Variants in NSL1 observed in about 807,000 individuals in gnomAD.
NSL1 encodes kinetochore-associated protein NSL1 homolog.
In NSL1, 11 loss-of-function variants were observed where a neutral mutation model predicts 25.4. That is an observed-to-expected ratio of 0.43 (90% confidence interval 0.27 to 0.72). The LOEUF is 0.72. Among genes scored for constraint, NSL1 ranks in the 30% least tolerant of loss-of-function variants. The probability of loss-of-function intolerance (pLI) is 0.19; values close to 1 mark genes in which losing one functional copy is unlikely to be tolerated. For synonymous variants in NSL1, 118 were observed against 120.6 expected, an observed-to-expected ratio of 0.98 and a Z score of 0.14; for missense variants, 330 against 342.7, an observed-to-expected ratio of 0.96 and a Z score of 0.29.
chr1:212,753,425 G>T (rs1022766133), intron 4 of NSL1, among the ~76,000 whole-genome samples: 5 of 151,964 alleles, frequency 3.3e-5, no homozygotes, highest in African/African-American at 1.2e-4. Flanking sequence ...TCTTTTTCTT[G>T]ATCATCACCA....
rs1419051222 is a variant in NSL1, at chr1:212,727,888, T to C, written c.*10520A>G. On this transcript the variant is annotated 3_prime_UTR_variant, in exon 6 of 6. Coordinates refer to ENST00000366977, the MANE Select transcript of NSL1 (RefSeq NM_015471.4). ...TGTTTGTTGATACTCTCTGTTGCTATGTGTCATTGAAAAAAAATGAGAAGA... is the reference window on the plus strand; with the variant it reads ...TGTTTGTTGATACTCTCTGTTGCTACGTGTCATTGAAAAAAAATGAGAAGA... The C allele has an allele frequency of 1.0e-6, 1 of 985,402 alleles. No individual in the cohort carries two copies. Among genetic ancestry groups the C allele is most frequent in the Non-Finnish European group, 1.2e-6 (1 of 829,900 alleles). 61.0% of individuals were successfully genotyped at this position (985,402 alleles called of 1,614,324 possible).
Position 212,730,757 on chromosome 1 carries a change from G to A in NSL1, c.*7651C>T, listed in dbSNP as rs995185214. 1.0e-6 allele frequency: 1 copy of A among 985,286 alleles called. No individual in the cohort carries two copies. Among genetic ancestry groups the A allele is most frequent in the Non-Finnish European group, 1.2e-6 (1 of 829,928 alleles). The allele number at this position is 985,286 out of a possible 1,614,324, so 61.0% of individuals were successfully genotyped here. A position where few individuals can be genotyped will look rare whatever the true frequency, so the allele number is the denominator to read the frequency against. ...CTTAGTTCTAGTAGACGTAGTTCTA[G>A]TAGACAGGAGACTCTGGAGTCCTAA... is the stretch of plus-strand genomic sequence containing the variant. On this transcript the variant is annotated 3_prime_UTR_variant, in exon 6 of 6. Coordinates refer to ENST00000366977, the MANE Select transcript of NSL1 (RefSeq NM_015471.4).
chr1:212,761,337 C>CCTTG (rs1659553468), intron 4 of NSL1, among the ~76,000 whole-genome samples: 2 of 152,144 alleles, frequency 1.3e-5, no homozygotes, highest in South Asian at 4.1e-4. Context: ...ATCACCTGAA[C>CCTTG]CTTGGAGTTC....
chr1:212,738,752 G>A, intron 5 of NSL1, 66 bp from the exon 6 acceptor site: 1 of 1,350,598 alleles, frequency 7.4e-7, no homozygotes, highest in Non-Finnish European at 1.0e-6. Context: ...GACAAAGATG[G>A]ATGCAGTACT....
Position 212,727,785 on chromosome 1 carries a change from A to T in NSL1, c.*10623T>A. 1 of 984,538 alleles carries T rather than the reference A, an allele frequency of 1.0e-6. No homozygotes were observed. Among genetic ancestry groups the T allele is most frequent in the Non-Finnish European group, 1.2e-6 (1 of 829,072 alleles). 61.0% of individuals were successfully genotyped at this position (984,538 alleles called of 1,614,324 possible). A position where few individuals can be genotyped will look rare whatever the true frequency, so the allele number is the denominator to read the frequency against. ...TCATTAAGATAATAAATTGCTTTAA[A>T]CAACTTTGAGCACTTTCTTAGACAC... On this transcript the variant is annotated 3_prime_UTR_variant, in exon 6 of 6. Coordinates refer to ENST00000366977, the MANE Select transcript of NSL1 (RefSeq NM_015471.4).
In NSL1 at chr1:212,784,502, GAA is replaced by G; in HGVS notation, c.314-11_314-10del. 5 of 1,461,492 alleles carry G rather than the reference GAA, an allele frequency of 3.4e-6. No homozygotes were observed. Among genetic ancestry groups the G allele is most frequent in the South Asian group, 1.4e-5 (1 of 72,108 alleles). 90.5% of individuals were successfully genotyped at this position (1,461,492 alleles called of 1,614,324 possible). Reference sequence around the variant, plus strand: ...TACTTTGATGTCAGAATCTATTTGAGAAAAAAAAATGTATATATAAAAAGTTC... The same window carrying G: ...TACTTTGATGTCAGAATCTATTTGAGAAAAAAATGTATATATAAAAAGTTC... On this transcript the variant is annotated splice_polypyrimidine_tract_variant and intron_variant, in intron 2 of 5. Transcript: ENST00000366977.
chr1:212,762,524 T>A (rs1659623338), intron 4 of NSL1, among the ~76,000 whole-genome samples: 1 of 151,996 alleles, frequency 6.6e-6, no homozygotes, highest in South Asian at 2.1e-4. Context: ...CACTGTGAAT[T>A]TTCTTTTTTC....
At chr1:212,780,183 C>T (rs2102398955) in intron 4 of NSL1, among the ~76,000 whole-genome samples, 1 of 151,822 alleles carries the variant, frequency 6.6e-6, no homozygotes, top group African/African-American at 2.4e-5. Flanking sequence ...GCCTTGGGAT[C>T]CTGTTGATCT....
chr1:212,729,972 C>G lies in NSL1; in HGVS notation c.*8436G>C, dbSNP rs1047450278. The stretch of plus-strand genomic sequence containing the variant: ...TTTTTTTTTTAAGAATGAAATGGGC[C>G]GGGCGTGGCGGCTCACTCCTGTAAT... On this transcript the variant is annotated 3_prime_UTR_variant, in exon 6 of 6. Transcript: ENST00000366977. The G allele has an allele frequency of 4.1e-6, 4 of 984,698 alleles. No individual in the cohort carries two copies. The highest frequency in any genetic ancestry group is 4.8e-6 in the Non-Finnish European group (4 of 829,810). The allele number at this position is 984,698 out of a possible 1,614,324, so 61.0% of individuals were successfully genotyped here. A position where few individuals can be genotyped will look rare whatever the true frequency, so the allele number is the denominator to read the frequency against.
intron 4 of NSL1, among the ~76,000 whole-genome samples, chr1:212,740,945 T>C (rs1177340296): frequency 6.6e-6 from 1 of 152,168 alleles, no homozygotes; most frequent in Admixed American, 6.5e-5. Flanking sequence ...AATGAAAATA[T>C]CTGTAGCTTT....
chr1:212,738,738 AACAG>A (rs769586758), intron 5 of NSL1, 52 bp from the exon 6 acceptor site: 2 of 1,499,954 alleles, frequency 1.3e-6, no homozygotes, highest in Non-Finnish European at 1.8e-6. Context: ...TTGAAACACA[AACAG>A]ACAAAGATGG....
chr1:212,754,814 C>A lies in NSL1; in HGVS notation c.500-15213G>T, dbSNP rs893515798. On this transcript the variant is annotated intron_variant, in intron 4 of 5. Transcript: ENST00000366977. Reference sequence around the variant, plus strand: ...ACTCAAAAGACAAAACTGCTCCTAACCGCTGCCAGGAAGCAAAGCTTACTT... The same window carrying A: ...ACTCAAAAGACAAAACTGCTCCTAAACGCTGCCAGGAAGCAAAGCTTACTT... Among the ~76,000 whole-genome samples the A allele has an allele frequency of 6.1e-5, 8 of 130,860 alleles. No homozygotes were observed. The South Asian group carries it at 2.1e-3, about 34-fold the overall frequency. 85.8% of individuals were successfully genotyped at this position (130,860 alleles called of 152,430 possible). A position where few individuals can be genotyped will look rare whatever the true frequency, so the allele number is the denominator to read the frequency against.
At chr1:212,751,754 T>C (rs1659076352) in intron 4 of NSL1, among the ~76,000 whole-genome samples, 1 of 152,138 alleles carries the variant, frequency 6.6e-6, no homozygotes. Context: ...CTAAAAATGG[T>C]CACTAAATAT....
At chr1:212,785,609 A>C (rs966469676) in intron 2 of NSL1, among the ~76,000 whole-genome samples, 2 of 152,160 alleles carry the variant, frequency 1.3e-5, no homozygotes, top group African/African-American at 4.8e-5. Flanking sequence ...TCAGGAGTAC[A>C]GAATTTTGAT....
At chr1:212,738,753 A>T in intron 5 of NSL1, 67 bp from the exon 6 acceptor site, 1 of 1,322,084 alleles carries the variant, frequency 7.6e-7, no homozygotes, top group Non-Finnish European at 1.0e-6. Context: ...ACAAAGATGG[A>T]TGCAGTACTC....
In NSL1 at chr1:212,734,379, G is replaced by C. The variant is rs187918393; in HGVS notation, c.*4029C>G. Among the ~76,000 whole-genome samples the C allele has an allele frequency of 3.5e-4, 53 of 152,296 alleles. No homozygotes were observed. Among genetic ancestry groups the C allele is most frequent in the Admixed American group, 1.2e-3 (19 of 15,302 alleles). On this transcript the variant is annotated 3_prime_UTR_variant, in exon 6 of 6. Transcript: ENST00000366977. Reference sequence around the variant, plus strand: ...TGGAGACGCTCCTCAAATATTTGGTGAATCAGTTTTGTGCATTTTTAAAAT... The same window carrying C: ...TGGAGACGCTCCTCAAATATTTGGTCAATCAGTTTTGTGCATTTTTAAAAT...
Position 212,731,917 on chromosome 1 carries a change from G to A in NSL1, c.*6491C>T, listed in dbSNP as rs959042064. On this transcript the variant is annotated 3_prime_UTR_variant, in exon 6 of 6. Transcript: ENST00000366977. ...TGCCCCAGGACCCAGCAGCTATAAG[G>A]GCCTCCACACCCCACCTTACTGCTT... 1.0e-6 allele frequency: 1 copy of A among 985,270 alleles called. No homozygotes were observed. The highest frequency in any genetic ancestry group is 1.2e-6 in the Non-Finnish European group (1 of 829,914). The allele number at this position is 985,270 out of a possible 1,614,324, so 61.0% of individuals were successfully genotyped here.
At chr1:212,755,035 T>C (rs1659241408) in intron 4 of NSL1, among the ~76,000 whole-genome samples, 1 of 152,048 alleles carries the variant, frequency 6.6e-6, no homozygotes, top group Admixed American at 6.5e-5. Flanking sequence ...TAGACAGATA[T>C]GCACATGAAA....
At chr1:212,766,371 T>C (rs1659819192) in intron 4 of NSL1, 1 of 433,064 alleles carries the variant, frequency 2.3e-6, no homozygotes, top group Non-Finnish European at 4.1e-6. Flanking sequence ...AAAATCCATA[T>C]TGCAAAAGAG....
Sources: allele counts gnomAD v4.1 joint callset (sites outside exome capture counted in the v4.1 genomes callset), GRCh38; gene constraint gnomAD v4.1.1; transcripts MANE v1.5; gene names NCBI Gene and HGNC (gene_info 2026-07-23, HGNC 2026-07-21).